The following LRFN5 variants were observed in gnomAD, a reference collection of about 807,000 sequenced individuals.
LRFN5 encodes the protein leucine rich repeat and fibronectin type III domain containing 5.
Under a neutral mutation model 45.6 loss-of-function variants are expected in LRFN5, and 24 were observed. The observed-to-expected ratio is 0.53, with a 90% CI of 0.38 to 0.74. The LOEUF (loss-of-function observed/expected upper bound fraction) is 0.74. LRFN5 is among the 30% of genes least tolerant of loss of function. The pLI, the probability that LRFN5 is intolerant of heterozygous loss-of-function variation, is 0.00. For synonymous variants in LRFN5, 340 were observed against 313.8 expected, an observed-to-expected ratio of 1.08 and a Z score of -0.88; for missense variants, 776 against 861.5, an observed-to-expected ratio of 0.90 and a Z score of 1.24.
chr14:41,682,865 A>T (rs571097515), intron 1 of LRFN5, among the ~76,000 whole-genome samples: 1 of 152,128 alleles, frequency 6.6e-6, no homozygotes, highest in Non-Finnish European at 1.5e-5. Context: ...TCACTAATCA[A>T]TTTTCCCAGA....
chr14:41,903,439 T>C (rs1891158573), intron 5 of LRFN5, among the ~76,000 whole-genome samples: 1 of 151,450 alleles, frequency 6.6e-6, no homozygotes. Flanking sequence ...CATATATTTC[T>C]CAAAAAATTA....
chr14:41,892,057 G>A (rs779667699), intron 4 of LRFN5, 95 bp downstream of exon 4: 6 of 1,508,908 alleles, frequency 4.0e-6, no homozygotes, highest in South Asian at 1.3e-5. Flanking sequence ...ATATTAACTC[G>A]CCGAACACAT....
At chr14:41,901,432 T>TTGTGTGTG (rs3032306) in intron 5 of LRFN5, among the ~76,000 whole-genome samples, 3 of 147,940 alleles carry the variant, frequency 2.0e-5, no homozygotes, top group African/African-American at 7.4e-5. Context: ...TATGTATGCA[T>TTGTGTGTG]TGTGTGTGTG....
At chr14:41,781,562 A>T in intron 2 of LRFN5, among the ~76,000 whole-genome samples, 2 of 17,258 alleles carry the variant, frequency 1.2e-4, no homozygotes, top group East Asian at 9.0e-3. Flanking sequence ...AAGAAAGAGA[A>T]AGAAAGAAAG....
At chr14:41,696,212 G>A (rs1380070724) in intron 1 of LRFN5, among the ~76,000 whole-genome samples, 1 of 151,930 alleles carries the variant, frequency 6.6e-6, no homozygotes, top group Non-Finnish European at 1.5e-5. Context: ...AACTTGAATG[G>A]ATGAGGGGCT....
intron 1 of LRFN5, among the ~76,000 whole-genome samples, chr14:41,751,979 T>C (rs957064571): frequency 5.9e-5 from 9 of 152,162 alleles, no homozygotes; most frequent in Admixed American, 4.6e-4. Flanking sequence ...GTGTTCTCAT[T>C]GTTCAATTCC....
intron 2 of LRFN5, among the ~76,000 whole-genome samples, chr14:41,810,831 T>C (rs1027044815): frequency 6.6e-6 from 1 of 152,056 alleles, no homozygotes; most frequent in African/African-American, 2.4e-5. Flanking sequence ...TCTTTCTTAG[T>C]TGAAAACACT....
chr14:41,759,753 C>G (rs1387302828), intron 1 of LRFN5, among the ~76,000 whole-genome samples: 3 of 152,120 alleles, frequency 2.0e-5, no homozygotes, highest in South Asian at 4.1e-4. Context: ...TATATTTTTT[C>G]TAGTTTTCTG....
At chr14:41,622,755 A>T (rs1594557686) in intron 1 of LRFN5, among the ~76,000 whole-genome samples, 1 of 152,136 alleles carries the variant, frequency 6.6e-6, no homozygotes. Context: ...TTAGAGAGAG[A>T]TCACACAAGT....
chr14:41,716,842 C>T (rs1307268411), intron 1 of LRFN5, among the ~76,000 whole-genome samples: 2 of 152,142 alleles, frequency 1.3e-5, no homozygotes, highest in Non-Finnish European at 2.9e-5. Flanking sequence ...AAATAAATTT[C>T]ACCATGCATT....
intron 4 of LRFN5, chr14:41,893,041 G>T: frequency 1.0e-6 from 1 of 984,698 alleles, no homozygotes; most frequent in Non-Finnish European, 1.2e-6. Flanking sequence ...AGTCATAAAA[G>T]TCATTGCTCA....
intron 1 of LRFN5, among the ~76,000 whole-genome samples, chr14:41,750,003 GTCTC>G (rs1180444194): frequency 1.3e-5 from 2 of 151,858 alleles, no homozygotes; most frequent in African/African-American, 2.4e-5. Flanking sequence ...TTTTGAAACT[GTCTC>G]TCTAACTTTC....
chr14:41,829,375 T>G (rs569603354), intron 2 of LRFN5, among the ~76,000 whole-genome samples: 1 of 152,070 alleles, frequency 6.6e-6, no homozygotes, highest in South Asian at 2.1e-4. Context: ...AAAACTCATA[T>G]CTTCCTTTTG....
At chr14:41,888,129 A>G in intron 3 of LRFN5, 119 bp downstream of exon 3, 1 of 763,966 alleles carries the variant, frequency 1.3e-6, no homozygotes, top group East Asian at 2.7e-5. Flanking sequence ...CATATTTTAA[A>G]GTGCATAGTG....
chr14:41,856,434 A>C (rs1467970993), intron 2 of LRFN5, among the ~76,000 whole-genome samples: 1 of 152,128 alleles, frequency 6.6e-6, no homozygotes, highest in Non-Finnish European at 1.5e-5. Context: ...TAATAGAGAA[A>C]GACATTTAAA....
chr14:41,837,117 T>C (rs1888688071), intron 2 of LRFN5, among the ~76,000 whole-genome samples: 1 of 150,550 alleles, frequency 6.6e-6, no homozygotes, highest in Non-Finnish European at 1.5e-5. Context: ...TGAGTCCAGT[T>C]TGTTTCCCAA....
intron 1 of LRFN5, among the ~76,000 whole-genome samples, chr14:41,738,331 A>G (rs1436548780): frequency 6.6e-6 from 1 of 152,210 alleles, no homozygotes; most frequent in African/African-American, 2.4e-5. Flanking sequence ...CTCACACCTT[A>G]TGCAAAAATT....
chr14:41,749,255 G>A (rs1371749207), intron 1 of LRFN5, among the ~76,000 whole-genome samples: 2 of 152,040 alleles, frequency 1.3e-5, no homozygotes, highest in Non-Finnish European at 2.9e-5. Flanking sequence ...ATGTTGTATT[G>A]TCTTATAAAA....
intron 1 of LRFN5, among the ~76,000 whole-genome samples, chr14:41,657,162 T>G (rs1448459375): frequency 2.0e-5 from 3 of 151,958 alleles, no homozygotes; most frequent in African/African-American, 7.2e-5. Context: ...TCTACATGTT[T>G]TGCATTATGA....
Sources: gnomAD v4.1 joint callset for allele counts (sites outside exome capture counted in the v4.1 genomes callset) on GRCh38, gnomAD v4.1.1 for gene constraint, MANE v1.5 for transcripts, NCBI Gene and HGNC (gene_info 2026-07-23, HGNC 2026-07-21) for gene names.